The following PDCD6IP variants were observed in gnomAD, a reference collection of about 807,000 sequenced individuals.
PDCD6IP encodes the protein programmed cell death 6 interacting protein.
A neutral mutation model predicts 103.7 loss-of-function variants in PDCD6IP; 43 were observed. The observed-to-expected ratio is 0.41, with a 90% confidence interval of 0.32 to 0.53. The LOEUF (loss-of-function observed/expected upper bound fraction) is 0.53. Ranked by LOEUF, PDCD6IP falls within the 20% of genes least tolerant of loss-of-function variation. The pLI, the probability that PDCD6IP is intolerant of heterozygous loss-of-function variation, is 0.16. For missense variants in PDCD6IP, 871 were observed against 1,036.7 expected (o/e 0.84, Z 2.20); for synonymous variants, 354 against 378.7 (o/e 0.93, Z 0.76).
chr3:33,803,099 C>T (rs1454466135), intron 1 of PDCD6IP, among the ~76,000 whole-genome samples: 1 of 152,108 alleles, frequency 6.6e-6, no homozygotes, highest in Non-Finnish European at 1.5e-5. Context: ...TTCTTTTTGT[C>T]CATGTTCATG....
In PDCD6IP at chr3:33,845,573, C is replaced by T; in HGVS notation, c.1626C>T (p.Thr542=). The T allele has an allele frequency of 6.2e-7, 1 of 1,607,548 alleles. No homozygotes were observed. Among genetic ancestry groups the T allele is most frequent in the South Asian group, 1.1e-5 (1 of 90,124 alleles). Residue 542 remains threonine, a synonymous_variant, in exon 12 of 18, where the codon ACC becomes ACT. Coordinates refer to ENST00000307296, the MANE Select transcript of PDCD6IP (RefSeq NM_013374.6). ...AAIPSANPAK[T]MQGSEVVNVL... ...TCCCTTCTGCTAATCCAGCAAAGAC[C>T]ATGCAGGGCAGTGAGGTAAGAAGGA... is the stretch of plus-strand genomic sequence containing the variant.
At chr3:33,812,543 G>A (rs1163436870) in intron 2 of PDCD6IP, among the ~76,000 whole-genome samples, 2 of 152,214 alleles carry the variant, frequency 1.3e-5, no homozygotes, top group Non-Finnish European at 2.9e-5. Flanking sequence ...TTGATTAAAT[G>A]TTAATTACAT....
intron 17 of PDCD6IP, among the ~76,000 whole-genome samples, 175 bp downstream of exon 17, chr3:33,865,605 A>G (rs916742360): frequency 1.3e-5 from 2 of 152,244 alleles, no homozygotes; most frequent in African/African-American, 4.8e-5. Flanking sequence ...TGAATAGGAT[A>G]GCTATTTCCT....
chr3:33,812,571 T>C (rs1019871316), intron 2 of PDCD6IP, among the ~76,000 whole-genome samples: 1 of 152,248 alleles, frequency 6.6e-6, no homozygotes, highest in Non-Finnish European at 1.5e-5. Context: ...AACTATTTTC[T>C]CCTTAAAGGC....
chr3:33,831,429 T>C (rs533307045), intron 7 of PDCD6IP, among the ~76,000 whole-genome samples: 7 of 152,274 alleles, frequency 4.6e-5, no homozygotes, highest in South Asian at 2.1e-4. Context: ...CTGATGTGTT[T>C]AGGGATGAGG....
chr3:33,833,297 G>C (rs946120560), intron 7 of PDCD6IP, among the ~76,000 whole-genome samples: 5 of 151,600 alleles, frequency 3.3e-5, no homozygotes, highest in African/African-American at 1.2e-4. Flanking sequence ...TTTCTCAGGG[G>C]TCTTGGTTTG....
rs1439038699 is a variant in PDCD6IP, at chr3:33,867,021, G to A, written c.*496G>A. 1 of 152,040 alleles carries A rather than the reference G, an allele frequency of 6.6e-6. No individual in the cohort carries two copies. Among genetic ancestry groups the A allele is most frequent in the Non-Finnish European group, 1.5e-5 (1 of 67,998 alleles). 9.4% of individuals were successfully genotyped at this position (152,040 alleles called of 1,614,324 possible). ...ACTTAAGAACAGTTGTCATTGTTAT[G>A]TTTTGTTATTGATTCTCATTACTGT... On this transcript the variant is annotated 3_prime_UTR_variant, in exon 18 of 18. Transcript: ENST00000307296.
chr3:33,834,257 C>A (rs2125561648), intron 7 of PDCD6IP, among the ~76,000 whole-genome samples: 1 of 152,238 alleles, frequency 6.6e-6, no homozygotes, highest in Middle Eastern at 3.4e-3. Context: ...CGTCACCTGG[C>A]AAGGTTTTCT....
Position 33,825,307 on chromosome 3 carries a change from G to T in PDCD6IP, c.583G>T (p.Ala195Ser), listed in dbSNP as rs775464986. The T allele has an allele frequency of 6.2e-7, 1 of 1,605,084 alleles. No individual in the cohort carries two copies. The highest frequency in any genetic ancestry group is 8.5e-7 in the Non-Finnish European group (1 of 1,178,088). Residue 195 changes from alanine (A) to serine (S), a missense_variant, in exon 5 of 18, where the codon GCT becomes TCT. This residue lies in a region of PDCD6IP where 242 missense variants were observed against 250.7 expected (regional missense o/e 0.97). Transcript: ENST00000307296. ...GTLSLIMLAQ[A>S]QEVFFLKATR... ...CCTCAGTCTTATTATGCTGGCACAG[G>T]CTCAAGAAGTATTTTTTTTAAAAGC...
chr3:33,807,218 C>T (rs1696618201), intron 1 of PDCD6IP, among the ~76,000 whole-genome samples: 1 of 152,160 alleles, frequency 6.6e-6, no homozygotes, highest in South Asian at 2.1e-4. Flanking sequence ...AGGAAGTAAC[C>T]TCATTTCCTA....
chr3:33,837,348 G>C (rs1407776723), intron 8 of PDCD6IP, among the ~76,000 whole-genome samples: 1 of 152,214 alleles, frequency 6.6e-6, no homozygotes, highest in Admixed American at 6.5e-5. Context: ...CTGTTACTGG[G>C]AAAGGGTGAT....
intron 1 of PDCD6IP, among the ~76,000 whole-genome samples, chr3:33,805,291 G>C (rs548757224): frequency 6.7e-6 from 1 of 149,872 alleles, no homozygotes; most frequent in Non-Finnish European, 1.5e-5. Flanking sequence ...GAAGGTGGAG[G>C]TTGCAGTGAG....
At position 33,825,712 on chromosome 3, in the gene PDCD6IP, C is replaced by A. The variant is rs750788137; in HGVS notation, c.616+372C>A. The stretch of plus-strand genomic sequence containing the variant: ...AGTTAGAAAACAACTTAGGTTTTGG[C>A]GACGGGAGAGATGATAAGCAAGAAT... On this transcript the variant is annotated intron_variant, in intron 5 of 17. Transcript: ENST00000307296. Among the ~76,000 whole-genome samples, 150 of 152,006 alleles carry A rather than the reference C, an allele frequency of 9.9e-4. 1 individual carries two copies. Among genetic ancestry groups the A allele is most frequent in the Non-Finnish European group, 1.7e-3 (114 of 67,994 alleles).
intron 1 of PDCD6IP, among the ~76,000 whole-genome samples, chr3:33,807,779 G>GT (rs1292603852): frequency 6.6e-6 from 1 of 152,216 alleles, no homozygotes; most frequent in East Asian, 1.9e-4. Context: ...CAGGGCAGGG[G>GT]TTTTTCCTCT....
intron 16 of PDCD6IP, among the ~76,000 whole-genome samples, chr3:33,864,927 G>T (rs1698030657): frequency 6.6e-6 from 1 of 152,066 alleles, no homozygotes; most frequent in Non-Finnish European, 1.5e-5. Flanking sequence ...AAAGTTTGGG[G>T]ACTAGGAGGA....
rs753747281 is a variant in PDCD6IP, at chr3:33,859,573, T to G, written c.2120+4313T>G. The stretch of plus-strand genomic sequence containing the variant: ...CAAGGAAATACAAATGGCTCTTAAA[T>G]AAATGAAAAAAAATGAATACCCTCA... On this transcript the variant is annotated intron_variant, in intron 15 of 17. Transcript: ENST00000307296. Among the ~76,000 whole-genome samples the G allele has an allele frequency of 1.5e-4, 23 of 151,912 alleles. 1 individual carries two copies. The highest frequency in any genetic ancestry group is 2.4e-4 in the Non-Finnish European group (16 of 67,918).
chr3:33,800,617 T>G (rs1225409708), intron 1 of PDCD6IP, among the ~76,000 whole-genome samples: 3 of 152,134 alleles, frequency 2.0e-5, no homozygotes, highest in African/African-American at 7.2e-5. Context: ...GCATAAGCAT[T>G]TTTTTTAAAG....
At chr3:33,834,854 C>T (rs1697313953) in intron 7 of PDCD6IP, among the ~76,000 whole-genome samples, 2 of 152,100 alleles carry the variant, frequency 1.3e-5, no homozygotes, top group Non-Finnish European at 2.9e-5. Context: ...TTCTCTATGT[C>T]TGGTAAACCA....
At chr3:33,819,430 C>T (rs145982440) in intron 3 of PDCD6IP, among the ~76,000 whole-genome samples, 103 of 152,166 alleles carry the variant, frequency 6.8e-4, no homozygotes, top group Middle Eastern at 3.4e-3. Flanking sequence ...TTTTTCAGTT[C>T]GCATTGCTCT....
Sources: allele counts gnomAD v4.1 joint callset (sites outside exome capture counted in the v4.1 genomes callset), GRCh38; gene constraint gnomAD v4.1.1; regional missense constraint gnomAD v4.1.1; transcripts MANE v1.5; gene names NCBI Gene and HGNC (gene_info 2026-07-23, HGNC 2026-07-21).